Variants in KCNN1 observed in about 807,000 individuals in gnomAD.
The protein encoded by KCNN1 is small conductance calcium-activated potassium channel protein 1.
Under a neutral mutation model 44.7 loss-of-function variants are expected in KCNN1, and 20 were observed. The ratio of observed to expected loss-of-function variants is 0.45; its 90% CI spans 0.32 to 0.65. The LOEUF is 0.65. Ranked by LOEUF, KCNN1 falls within the 30% of genes least tolerant of loss-of-function variation. KCNN1 has a pLI of 0.05. For missense variants in KCNN1, 632 were observed against 785.3 expected, an observed-to-expected ratio of 0.80 and a Z score of 2.33; for synonymous variants, 324 against 341.7, an observed-to-expected ratio of 0.95 and a Z score of 0.57.
Position 17,981,961 on chromosome 19 carries a change from A to G in KCNN1, c.751A>G (p.Ile251Val). 6.2e-7 allele frequency: 1 copy of G among 1,610,482 alleles called. No individual in the cohort carries two copies. The highest frequency in any genetic ancestry group is 8.5e-7 in the Non-Finnish European group (1 of 1,178,696). Residue 251 changes from isoleucine (I) to valine (V), a missense_variant, in exon 4 of 10, where the codon ATC becomes GTC. Physicochemically the swap from Ile to Val is conservative, Grantham distance 29. Around this residue, in one of 3 missense-constraint regions of KCNN1, gnomAD observed 160 missense variants for 308.3 expected, o/e 0.52. Transcript: ENST00000684775. ...CCGGGTGATGCTACTGCACAGCAAA[A>G]TCTTCACGGACGCCTCGAGCCGCAG... The part of the protein sequence containing the change: ...LGRVMLLHSK[I>V]FTDASSRSIG...
intron 9 of KCNN1, among the ~76,000 whole-genome samples, chr19:17,996,986 T>C (rs2033018479): frequency 6.6e-6 from 1 of 152,190 alleles, no homozygotes; most frequent in African/African-American, 2.4e-5. Flanking sequence ...CTGACCCAGC[T>C]GCGCTCAGAG....
chr19:17,998,067 C>T lies in KCNN1; in HGVS notation c.1378-85C>T, dbSNP rs2145984294. On this transcript the variant is annotated intron_variant, in intron 9 of 9. Transcript: ENST00000684775. The surrounding 1 kb of genome is among the most constrained non-coding windows in gnomAD (Gnocchi z 5.4). ...CACCCACCTGGAGCGTGTGGGCTGTCCCTCTCTGTCATTGGTGTCGTGGTA... is the reference window on the plus strand; with the variant it reads ...CACCCACCTGGAGCGTGTGGGCTGTTCCTCTCTGTCATTGGTGTCGTGGTA... 2 of 1,418,068 alleles carry T rather than the reference C, an allele frequency of 1.4e-6. No homozygotes were observed. The highest frequency in any genetic ancestry group is 1.8e-4 in the Middle Eastern group (1 of 5,494). 87.8% of individuals were successfully genotyped at this position (1,418,068 alleles called of 1,614,324 possible). A position where few individuals can be genotyped will look rare whatever the true frequency, so the allele number is the denominator to read the frequency against.
At chr19:17,960,030 C>T (rs1035594776) in intron 2 of KCNN1, among the ~76,000 whole-genome samples, 3 of 151,432 alleles carry the variant, frequency 2.0e-5, no homozygotes, top group African/African-American at 4.9e-5. Flanking sequence ...TTGCAGTAAG[C>T]GGAGACTGTG....
intron 2 of KCNN1, among the ~76,000 whole-genome samples, chr19:17,957,539 TG>T (rs1247686027): frequency 6.6e-6 from 1 of 151,914 alleles, no homozygotes; most frequent in African/African-American, 2.4e-5. Context: ...TGCTGACAGC[TG>T]GGGGAACAGC....
At chr19:17,979,851 ACAC>A (rs1402983976) in intron 3 of KCNN1, among the ~76,000 whole-genome samples, 14 of 151,870 alleles carry the variant, frequency 9.2e-5, no homozygotes, top group African/African-American at 3.4e-4. Context: ...TTTTAAAATG[ACAC>A]GTGAAAAAGG....
At chr19:17,996,894 G>C (rs77065365) in intron 9 of KCNN1, among the ~76,000 whole-genome samples, 1 of 152,288 alleles carries the variant, frequency 6.6e-6, no homozygotes, top group African/African-American at 2.4e-5. Context: ...AGCTGGGGTG[G>C]GCACCTCGTC....
intron 1 of KCNN1, among the ~76,000 whole-genome samples, chr19:17,951,987 G>A (rs887736960): frequency 6.6e-6 from 1 of 152,242 alleles, no homozygotes; most frequent in Admixed American, 6.5e-5. Context: ...GCGGCAGAGG[G>A]TCCTCCCATC....
rs1288322888 is a variant in KCNN1 at position 17,998,822 on chromosome 19, C to G, written c.*416C>G. 3 of 161,562 alleles carry G rather than the reference C, an allele frequency of 1.9e-5. No individual in the cohort carries two copies. The highest frequency in any genetic ancestry group is 2.7e-5 in the Non-Finnish European group (2 of 74,482). 10.0% of individuals were successfully genotyped at this position (161,562 alleles called of 1,614,324 possible). A position where few individuals can be genotyped will look rare whatever the true frequency, so the allele number is the denominator to read the frequency against. ...AGAAAAACCTGTTCCCATCACCGGCCTAGCCTAGAATCCTAGCCTAGAAGC... is the reference window on the plus strand; with the variant it reads ...AGAAAAACCTGTTCCCATCACCGGCGTAGCCTAGAATCCTAGCCTAGAAGC... On this transcript the variant is annotated 3_prime_UTR_variant, in exon 10 of 10. Coordinates refer to ENST00000684775, the MANE Select transcript of KCNN1 (RefSeq NM_001386974.1). The surrounding 1 kb of genome is among the most constrained non-coding windows in gnomAD (Gnocchi z 5.4).
At chr19:17,964,174 T>C, upstream of KCNN1, among the ~76,000 whole-genome samples, 1 of 152,196 alleles carries the variant, frequency 6.6e-6, no homozygotes, top group East Asian at 1.9e-4. The surrounding 1 kb of genome is among the most constrained non-coding windows in gnomAD (Gnocchi z 4.3). Flanking sequence ...AATGAGTGAA[T>C]ATCTTACCCT....
At position 17,998,541 on chromosome 19, in the gene KCNN1, C is replaced by T. The variant is rs918380326; in HGVS notation, c.*135C>T. ...AGGCTGAGTGGACTGAGGCCTGCCC[C>T]GCCCAGACTGCCCAGGCAGAGGGCA... On this transcript the variant is annotated 3_prime_UTR_variant, in exon 10 of 10. Coordinates refer to ENST00000684775, the MANE Select transcript of KCNN1 (RefSeq NM_001386974.1). The surrounding 1 kb of genome is among the most constrained non-coding windows in gnomAD (Gnocchi z 5.4). 2.1e-4 allele frequency: 199 copies of T among 937,936 alleles called. No individual in the cohort carries two copies. In the African/African-American group the frequency reaches 2.8e-3, roughly 13 times the overall value. 58.1% of individuals were successfully genotyped at this position (937,936 alleles called of 1,614,324 possible).
intron 2 of KCNN1, among the ~76,000 whole-genome samples, chr19:17,959,290 G>A (rs900777813): frequency 6.6e-6 from 1 of 151,240 alleles, no homozygotes; most frequent in Non-Finnish European, 1.5e-5. Context: ...ACAGAGTCTC[G>A]CTCTGTCGCC....
At chr19:17,959,268 G>GT (rs996517531) in intron 2 of KCNN1, among the ~76,000 whole-genome samples, 15 of 136,774 alleles carry the variant, frequency 1.1e-4, no homozygotes, top group Admixed American at 1.5e-4. Context: ...GTTTTGTTTT[G>GT]TTTTTTTTGA....
chr19:17,975,247 C>A, intron 3 of KCNN1, 60 bp downstream of exon 3: 2 of 1,259,442 alleles, frequency 1.6e-6, no homozygotes, highest in South Asian at 1.2e-5. Flanking sequence ...CCCCCCACAC[C>A]AGCCCACCTT....
chr19:17,993,189 T>G lies in KCNN1; in HGVS notation c.1307+127T>G, dbSNP rs1347018004. ...GCGGGCAGGGTTCACATCTGCCCCA[T>G]GGATCCGTGCAGGCTTCACCTTGGT... is the stretch of plus-strand genomic sequence containing the variant. On this transcript the variant is annotated intron_variant, in intron 8 of 9. Transcript: ENST00000684775. This position sits in a 1 kb window ranked among gnomAD's most constrained non-coding sequence, Gnocchi z 4.5. 1.7e-6 allele frequency: 2 copies of G among 1,146,958 alleles called. No homozygotes were observed. The highest frequency in any genetic ancestry group is 2.5e-5 in the East Asian group (1 of 40,296). 71.0% of individuals were successfully genotyped at this position (1,146,958 alleles called of 1,614,324 possible).
Position 17,958,688 on chromosome 19 carries a change from G to GTATT in KCNN1, c.-82+4031_-82+4034dup, listed in dbSNP as rs151293226. ...ATTTTATTTATTTATATTTTCAATT[G>GTATT]TATTTATTTATTTATTTATTTATTT... On this transcript the variant is annotated intron_variant, in intron 2 of 10. Coordinates refer to the KCNN1 transcript ENST00000222249. Among the ~76,000 whole-genome samples the GTATT allele has an allele frequency of 5.1e-3, 763 of 148,570 alleles. 2 individuals carry two copies. The highest frequency in any genetic ancestry group is 0.012 in the African/African-American group (481 of 40,196).
intron 1 of KCNN1, among the ~76,000 whole-genome samples, chr19:17,970,259 T>A (rs918632331): frequency 1.4e-5 from 2 of 139,684 alleles, no homozygotes; most frequent in African/African-American, 5.2e-5. Context: ...GTTCTGAGAC[T>A]CATGAGGTCA....
chr19:17,955,952 C>A (rs2031534518), intron 2 of KCNN1, among the ~76,000 whole-genome samples: 4 of 151,756 alleles, frequency 2.6e-5, no homozygotes, highest in Non-Finnish European at 5.9e-5. Context: ...TGTTTTGAGA[C>A]AGAGTCTGAC....
At chr19:17,965,273 C>CAA (rs35151160), upstream of KCNN1, among the ~76,000 whole-genome samples, 33 of 134,468 alleles carry the variant, frequency 2.5e-4, no homozygotes, top group East Asian at 1.9e-3. Flanking sequence ...GACTCTGTCT[C>CAA]AAAAAAAAAA....
chr19:17,976,820 A>G (rs2032224324), intron 3 of KCNN1, among the ~76,000 whole-genome samples: 1 of 151,406 alleles, frequency 6.6e-6, no homozygotes, highest in Non-Finnish European at 1.5e-5. Flanking sequence ...GGTTCAAGTG[A>G]TTCTCCTGCC....
Sources: gnomAD v4.1 joint callset for allele counts (sites outside exome capture counted in the v4.1 genomes callset) on GRCh38, gnomAD v4.1.1 for gene constraint, gnomAD v4.1.1 regional missense constraint, Gnocchi (gnomAD v3.1) non-coding constraint, MANE v1.5 for transcripts, NCBI Gene and HGNC (gene_info 2026-07-23, HGNC 2026-07-21) for gene names.